SERPINA3: variants seen among roughly 807,000 people sequenced by gnomAD.
SERPINA3 encodes alpha-1-antichymotrypsin.
SERPINA3 carries 32 observed loss-of-function variants against 26.8 expected under a neutral mutation model. The observed-to-expected ratio is 1.20, with a 90% CI of 0.90 to 1.61. The LOEUF is 1.61. Among genes scored for constraint, SERPINA3 ranks in the 40% most tolerant of loss-of-function variants. The pLI is 0.00. For missense variants in SERPINA3, 632 were observed against 517.9 expected (o/e 1.22, Z -2.14); for synonymous variants, 252 against 206.4 (o/e 1.22, Z -1.89).
intron 2 of SERPINA3, chr14:94,617,642 A>G (rs1480566588): frequency 1.3e-5 from 2 of 152,146 alleles, no homozygotes; most frequent in Non-Finnish European, 2.9e-5. Context: ...TAAACATTCA[A>G]AGTTGACCTG....
chr14:94,614,355 G>T, intron 1 of SERPINA3, 79 bp from the exon 2 acceptor site: 1 of 1,445,730 alleles, frequency 6.9e-7, no homozygotes, highest in Non-Finnish European at 9.6e-7. Flanking sequence ...GGACCAGGAC[G>T]CAGGCTGGGT....
intron 3 of SERPINA3, among the ~76,000 whole-genome samples, chr14:94,620,498 T>A (rs1886160712): frequency 6.6e-6 from 1 of 152,124 alleles, no homozygotes; most frequent in African/African-American, 2.4e-5. Context: ...ACCTTGCCCT[T>A]CCTCCTGTGT....
chr14:94,614,714 C>A lies in SERPINA3; in HGVS notation c.273C>A (p.Ala91=), dbSNP rs768336931. 3 of 1,614,144 alleles carry A rather than the reference C, an allele frequency of 1.9e-6. No individual in the cohort carries two copies. The highest frequency in any genetic ancestry group is 3.3e-4 in the Middle Eastern group (2 of 6,062). ...STALAFLSLG[A]HNTTLTEILK... is the part of the protein sequence containing the mutation. ...CCTTGGCCTTCCTGTCTCTGGGGGC[C>A]CATAATACCACCCTGACAGAGATTC... The change falls in exon 2 of 5, where the codon GCC becomes GCA. Residue 91 remains alanine (A), a synonymous_variant. Transcript: ENST00000393078.
chr14:94,613,377 A>T (rs1460075794), intron 1 of SERPINA3: 2 of 151,990 alleles, frequency 1.3e-5, no homozygotes, highest in African/African-American at 4.8e-5. Flanking sequence ...AAGGTGAATA[A>T]TCTTGTTTGC....
At position 94,622,591 on chromosome 14, in the gene SERPINA3, C is replaced by T. The variant is rs1333182436; in HGVS notation, c.1068+100C>T. On this transcript the variant is annotated intron_variant, in intron 4 of 4. Transcript: ENST00000393078. The stretch of plus-strand genomic sequence containing the variant: ...GTACTCTTGAACTTGGGTTAATGCA[C>T]GTGCATTTCTCATTATATACTCACC... The T allele has an allele frequency of 2.3e-5, 30 of 1,319,344 alleles. No individual in the cohort carries two copies. In the East Asian group the frequency reaches 2.7e-4, roughly 12 times the overall value. The allele number at this position is 1,319,344 out of a possible 1,614,324, so 81.7% of individuals were successfully genotyped here. A position where few individuals can be genotyped will look rare whatever the true frequency, so the allele number is the denominator to read the frequency against.
chr14:94,614,099 C>T (rs1260233751), intron 1 of SERPINA3: 1 of 335,152 alleles, frequency 3.0e-6, no homozygotes, highest in Non-Finnish European at 5.6e-6. Flanking sequence ...CCTCGGACCC[C>T]CCATCAGCTT....
rs547276081 is a variant in SERPINA3 at position 94,623,802 on chromosome 14, C to A, written c.1260C>A (p.Pro420=). 5.6e-6 allele frequency: 9 copies of A among 1,614,026 alleles called. No homozygotes were observed. The highest frequency in any genetic ancestry group is 7.6e-6 in the Non-Finnish European group (9 of 1,180,008). The change falls in exon 5 of 5, where the codon CCC becomes CCA. Residue 420 remains proline (P), a synonymous_variant. Transcript: ENST00000393078. ...NIFFMSKVTN[P]KQA is the part of the protein sequence containing the mutation. ...TCTTCATGAGCAAAGTCACCAATCC[C>A]AAGCAAGCCTAGAGCTTGCCATCAA... is the stretch of plus-strand genomic sequence containing the variant.
In SERPINA3 at chr14:94,619,004, C is replaced by T. The variant is rs999460452; in HGVS notation, c.644-191C>T. ...AGGAACTAGGTCTTTCTTTTGTGGC[C>T]CTTTTCCCAATCCAAGCCTGCTGGG... On this transcript the variant is annotated intron_variant, in intron 2 of 4. Transcript: ENST00000393078. 83 of 660,090 alleles carry T rather than the reference C, an allele frequency of 1.3e-4. 1 individual carries two copies. In the East Asian group the frequency reaches 1.9e-3, roughly 15 times the overall value. 40.9% of individuals were successfully genotyped at this position (660,090 alleles called of 1,614,324 possible).
At position 94,612,873 on chromosome 14, in the gene SERPINA3, C is replaced by G. The variant is rs573994337; in HGVS notation, c.-9+426C>G. Among the ~76,000 whole-genome samples, 4 of 152,254 alleles carry G rather than the reference C, an allele frequency of 2.6e-5. No individual in the cohort carries two copies. The South Asian group carries it at 8.3e-4, about 32-fold the overall frequency. ...AGGCCTCACCATGATTTCAGGGTCT[C>G]CATGGGGCTGCCTCGGGAGCTCCAC... On this transcript the variant is annotated intron_variant, in intron 1 of 4. Coordinates refer to ENST00000393078, the MANE Select transcript of SERPINA3 (RefSeq NM_001085.5).
In SERPINA3 at chr14:94,624,005, A is replaced by G. The variant is rs964382135; in HGVS notation, c.*191A>G. ...ATGCACAGGGGCCCATGGACTCTTCAGTCTGGAGGGTCCTGGGCCTCCTGA... is the reference window on the plus strand; with the variant it reads ...ATGCACAGGGGCCCATGGACTCTTCGGTCTGGAGGGTCCTGGGCCTCCTGA... On this transcript the variant is annotated 3_prime_UTR_variant, in exon 5 of 5. Coordinates refer to ENST00000393078, the MANE Select transcript of SERPINA3 (RefSeq NM_001085.5). 4.6e-6 allele frequency: 3 copies of G among 645,358 alleles called. No individual in the cohort carries two copies. Among genetic ancestry groups the G allele is most frequent in the African/African-American group, 3.6e-5 (2 of 55,118 alleles). 40.0% of individuals were successfully genotyped at this position (645,358 alleles called of 1,614,324 possible). A position where few individuals can be genotyped will look rare whatever the true frequency, so the allele number is the denominator to read the frequency against.
In SERPINA3 at chr14:94,615,086, T is replaced by C. The variant is rs112698573; in HGVS notation, c.643+2T>C. 1 of 1,613,616 alleles carries C rather than the reference T, an allele frequency of 6.2e-7. No homozygotes were observed. The highest frequency in any genetic ancestry group is 8.5e-7 in the Non-Finnish European group (1 of 1,180,010). ...TGGTGAATTACATCTTCTTTAAAGGTGAGTGTGCCTGGCTTGGGGTTCAGA... is the reference window on the plus strand; with the variant it reads ...TGGTGAATTACATCTTCTTTAAAGGCGAGTGTGCCTGGCTTGGGGTTCAGA... On this transcript the variant is annotated splice_donor_variant, in intron 2 of 4. Transcript: ENST00000393078. LOFTEE classifies it high-confidence loss of function.
intron 2 of SERPINA3, chr14:94,618,628 C>T (rs949591498): frequency 5.4e-5 from 10 of 185,506 alleles, no homozygotes; most frequent in South Asian, 1.2e-4. Context: ...TCTCTCCTGG[C>T]TCTGAGTTCT....
rs1304165639 is a variant in SERPINA3, at chr14:94,615,009, G to A, written c.568G>A (p.Gly190Arg). The change falls in exon 2 of 5, where the codon GGG becomes AGG. Residue 190 changes from glycine to arginine, a missense_variant. Coordinates refer to ENST00000393078, the MANE Select transcript of SERPINA3 (RefSeq NM_001085.5). ...INDYVKNGTR[G>R]KITDLIKDLD... ...CGACTACGTGAAGAATGGAACTAGG[G>A]GGAAAATCACAGATCTGATCAAGGA... The A allele has an allele frequency of 6.2e-7, 1 of 1,614,202 alleles. No individual in the cohort carries two copies. The highest frequency in any genetic ancestry group is 1.7e-5 in the Admixed American group (1 of 60,014).
At position 94,623,968 on chromosome 14, in the gene SERPINA3, T is replaced by C; in HGVS notation, c.*154T>C. The stretch of plus-strand genomic sequence containing the variant: ...CTTGGAAGGTGACAGCGATTCCCTG[T>C]GTAGCTCTCACATGCACAGGGGCCC... On this transcript the variant is annotated 3_prime_UTR_variant, in exon 5 of 5. Coordinates refer to ENST00000393078, the MANE Select transcript of SERPINA3 (RefSeq NM_001085.5). 1.4e-6 allele frequency: 1 copy of C among 730,206 alleles called. No individual in the cohort carries two copies. Among genetic ancestry groups the C allele is most frequent in the South Asian group, 1.5e-5 (1 of 67,190 alleles). 45.2% of individuals were successfully genotyped at this position (730,206 alleles called of 1,614,324 possible). A position where few individuals can be genotyped will look rare whatever the true frequency, so the allele number is the denominator to read the frequency against.
intron 1 of SERPINA3, 151 bp from the exon 2 acceptor site, chr14:94,614,283 G>A (rs2139952641): frequency 7.2e-6 from 5 of 695,858 alleles, no homozygotes; most frequent in South Asian, 3.3e-5. Context: ...GATGTGTGTC[G>A]GGTGCCCCAG....
At chr14:94,622,585 A>G in intron 4 of SERPINA3, 94 bp downstream of exon 4, 1 of 1,370,082 alleles carries the variant, frequency 7.3e-7, no homozygotes, top group Non-Finnish European at 1.0e-6. Flanking sequence ...AACTTGGGTT[A>G]ATGCACGTGC....
intron 2 of SERPINA3, chr14:94,615,572 C>A: frequency 2.5e-6 from 1 of 396,078 alleles, no homozygotes. Context: ...GCCATCTTCA[C>A]AGGGCAAGAT....
intron 2 of SERPINA3, chr14:94,617,985 T>C (rs1886062936): frequency 6.6e-6 from 1 of 152,162 alleles, no homozygotes; most frequent in Non-Finnish European, 1.5e-5. Context: ...AAATAAGCTA[T>C]GGCTGTATTG....
rs2139953703 is a variant in SERPINA3 at position 94,614,739 on chromosome 14, C to G, written c.298C>G (p.Leu100Val). The change falls in exon 2 of 5, where the codon CTC (leucine) becomes GTC (valine). Residue 100 changes from leucine (L) to valine (V), a missense_variant. By Grantham distance (32) the Leu-to-Val change is conservative (BLOSUM62 1). Coordinates refer to ENST00000393078, the MANE Select transcript of SERPINA3 (RefSeq NM_001085.5). ...GAHNTTLTEI[L>V]KGLKFNLTET... ...CCATAATACCACCCTGACAGAGATT[C>G]TCAAAGGCCTCAAGTTCAACCTCAC... The G allele has an allele frequency of 6.2e-7, 1 of 1,614,180 alleles. No homozygotes were observed. The highest frequency in any genetic ancestry group is 1.3e-5 in the African/African-American group (1 of 75,036).
Sources: allele counts gnomAD v4.1 joint callset (sites outside exome capture counted in the v4.1 genomes callset), GRCh38; gene constraint gnomAD v4.1.1; transcripts MANE v1.5; gene names NCBI Gene and HGNC (gene_info 2026-07-23, HGNC 2026-07-21).